The following ST3GAL3 variants were observed in gnomAD, a reference collection of about 807,000 sequenced individuals.
ST3GAL3 encodes ST3 beta-galactoside alpha-2,3-sialyltransferase 3.
In ST3GAL3, 21 loss-of-function variants were observed where a neutral mutation model predicts 50.1. The observed-to-expected ratio is 0.42, with a 90% CI of 0.30 to 0.60. ST3GAL3 has a LOEUF of 0.60. Ranked by LOEUF, ST3GAL3 falls within the 20% of genes least tolerant of loss-of-function variation. The pLI, the probability that ST3GAL3 is intolerant of heterozygous loss-of-function variation, is 0.19. For missense variants in ST3GAL3, 353 were observed against 489.4 expected (o/e 0.72, Z 2.63); for synonymous variants, 183 against 190.0 (o/e 0.96, Z 0.30).
intron 3 of ST3GAL3, chr1:43,801,603 C>A: frequency 3.9e-6 from 1 of 255,698 alleles, no homozygotes; most frequent in Non-Finnish European, 8.0e-6. Flanking sequence ...TTGGAGTTGT[C>A]TACATAGGGC....
At chr1:43,796,030 C>T (rs1017109649) in intron 3 of ST3GAL3, among the ~76,000 whole-genome samples, 7 of 152,098 alleles carry the variant, frequency 4.6e-5, no homozygotes, top group African/African-American at 1.7e-4. Context: ...GGGGAATATC[C>T]CAAGAGTTGT....
intron 3 of ST3GAL3, among the ~76,000 whole-genome samples, chr1:43,798,085 A>T (rs987695603): frequency 6.6e-6 from 1 of 152,088 alleles, no homozygotes; most frequent in Admixed American, 6.5e-5. Flanking sequence ...TTTCTTCCCC[A>T]TCTACCCAAC....
intron 1 of ST3GAL3, among the ~76,000 whole-genome samples, chr1:43,717,338 T>G (rs554368184): frequency 1.3e-5 from 2 of 152,166 alleles, no homozygotes; most frequent in Admixed American, 1.3e-4. Context: ...TACTTTGCAA[T>G]AGTCCAGCAT....
intron 2 of ST3GAL3, among the ~76,000 whole-genome samples, chr1:43,760,730 TG>T (rs1354779497): frequency 2.0e-5 from 3 of 151,854 alleles, no homozygotes; most frequent in African/African-American, 4.8e-5. Context: ...CATTCCAGCT[TG>T]GGTGACACAG....
chr1:43,917,812 G>A (rs917551837), intron 9 of ST3GAL3, among the ~76,000 whole-genome samples: 3 of 144,390 alleles, frequency 2.1e-5, no homozygotes, highest in Non-Finnish European at 4.5e-5. Flanking sequence ...GGGACTACAG[G>A]TGTATACCAC....
intron 2 of ST3GAL3, among the ~76,000 whole-genome samples, chr1:43,749,792 C>T (rs983880601): frequency 6.6e-6 from 1 of 152,172 alleles, no homozygotes; most frequent in Non-Finnish European, 1.5e-5. Flanking sequence ...GCTCTGCCCT[C>T]ATAAATGAAT....
At chr1:43,919,902 A>G (rs1383778264) in intron 9 of ST3GAL3, 1 of 228,330 alleles carries the variant, frequency 4.4e-6, no homozygotes, top group African/African-American at 2.3e-5. Context: ...GCTATACTCT[A>G]CTTGCTCACG....
intron 2 of ST3GAL3, among the ~76,000 whole-genome samples, chr1:43,763,596 A>G (rs1311335025): frequency 6.6e-6 from 1 of 152,116 alleles, no homozygotes; most frequent in African/African-American, 2.4e-5. Flanking sequence ...TGGAGCTTTG[A>G]TATGTAGCAG....
At chr1:43,851,570 GA>G in intron 5 of ST3GAL3, 1 of 1,500,422 alleles carries the variant, frequency 6.7e-7, no homozygotes, top group Non-Finnish European at 9.3e-7. Context: ...CCCAGCTGGC[GA>G]AATTCTCCGA....
rs768842005 is a variant in ST3GAL3 at position 43,736,247 on chromosome 1, C to T, written c.-16C>T. The T allele has an allele frequency of 7.4e-6, 12 of 1,613,986 alleles. No individual in the cohort carries two copies. Among genetic ancestry groups the T allele is most frequent in the South Asian group, 3.3e-5 (3 of 91,082 alleles). On this transcript the variant is annotated 5_prime_UTR_variant, in exon 2 of 12. Coordinates refer to ENST00000347631, the MANE Select transcript of ST3GAL3 (RefSeq NM_006279.5). ...TTCTTTTCTAGGTCATTTAGGAAAT[C>T]GTAAATCATGTGAAGATGGGACTCT...
chr1:43,885,587 C>T (rs2154260277), intron 5 of ST3GAL3, among the ~76,000 whole-genome samples: 1 of 152,334 alleles, frequency 6.6e-6, no homozygotes, highest in East Asian at 1.9e-4. Context: ...AGGGCCACCT[C>T]CACCCTGGCC....
chr1:43,819,652 TG>T lies in ST3GAL3; in HGVS notation c.209+4723del, dbSNP rs35438123. ...AATACTCCTTTAAAAAAATGGATTC[TG>T]GGGTAAATGTGCAGGCTTGTTACAT... On this transcript the variant is annotated intron_variant, in intron 4 of 11. Transcript: ENST00000347631. Among the ~76,000 whole-genome samples, 83 of 151,942 alleles carry T rather than the reference TG, an allele frequency of 5.5e-4. No homozygotes were observed. In the East Asian group the frequency reaches 6.2e-3, roughly 11 times the overall value.
At chr1:43,759,104 C>G (rs1402514543) in intron 2 of ST3GAL3, among the ~76,000 whole-genome samples, 2 of 149,130 alleles carry the variant, frequency 1.3e-5, no homozygotes, top group African/African-American at 2.5e-5. Flanking sequence ...CACACACACA[C>G]ACAGAAGGGG....
chr1:43,912,865 C>T (rs1386105395), intron 9 of ST3GAL3: 1 of 152,278 alleles, frequency 6.6e-6, no homozygotes, highest in Non-Finnish European at 1.5e-5. Context: ...CAGGGACATT[C>T]CTGAAGGAGG....
intron 5 of ST3GAL3, among the ~76,000 whole-genome samples, chr1:43,856,482 C>T (rs1197959314): frequency 1.3e-5 from 2 of 152,158 alleles, no homozygotes; most frequent in East Asian, 3.9e-4. Flanking sequence ...AATGCAGATT[C>T]CTTTTGTTTG....
At chr1:43,856,656 C>T (rs2068443144) in intron 5 of ST3GAL3, among the ~76,000 whole-genome samples, 1 of 152,226 alleles carries the variant, frequency 6.6e-6, no homozygotes, top group East Asian at 1.9e-4. Flanking sequence ...ATGACCTGGA[C>T]TCCAGCTTAC....
At chr1:43,878,968 AC>A (rs1218329629) in intron 5 of ST3GAL3, 1 of 454,278 alleles carries the variant, frequency 2.2e-6, no homozygotes, top group East Asian at 7.0e-5. Context: ...CCAGATAATA[AC>A]AAACAAGTGC....
intron 2 of ST3GAL3, among the ~76,000 whole-genome samples, chr1:43,780,553 A>G (rs527859914): frequency 2.5e-4 from 38 of 152,104 alleles, no homozygotes; most frequent in African/African-American, 8.9e-4. Flanking sequence ...TTCAGAAGGC[A>G]TGTTTTCTGG....
At chr1:43,907,191 T>A (rs2079933048) in intron 9 of ST3GAL3, among the ~76,000 whole-genome samples, 1 of 152,178 alleles carries the variant, frequency 6.6e-6, no homozygotes, top group African/African-American at 2.4e-5. Flanking sequence ...ACCGAAGGTG[T>A]TTCACTTTAA....
Sources: allele counts gnomAD v4.1 joint callset (sites outside exome capture counted in the v4.1 genomes callset), GRCh38; gene constraint gnomAD v4.1.1; transcripts MANE v1.5; gene names NCBI Gene and HGNC (gene_info 2026-07-23, HGNC 2026-07-21).